Variants in ADAMTS3 observed in about 807,000 individuals in gnomAD.
ADAMTS3 encodes the protein A disintegrin and metalloproteinase with thrombospondin motifs 3.
In ADAMTS3, 73 loss-of-function variants were observed where a neutral mutation model predicts 129.0. The ratio of observed to expected loss-of-function variants is 0.57; its 90% CI spans 0.47 to 0.69. The LOEUF is 0.69. Among genes scored for constraint, ADAMTS3 ranks in the 30% least tolerant of loss-of-function variants. The pLI is 0.00. For missense variants in ADAMTS3, 1,457 were observed against 1,514.5 expected (o/e 0.96, Z 0.63); for synonymous variants, 477 against 510.8 (o/e 0.93, Z 0.89).
At chr4:72,422,386 C>T (rs1007890177) in intron 3 of ADAMTS3, among the ~76,000 whole-genome samples, 1 of 152,094 alleles carries the variant, frequency 6.6e-6, no homozygotes, top group African/African-American at 2.4e-5. Flanking sequence ...TGCAATGATA[C>T]ATGAAATATT....
At chr4:72,401,489 C>CT (rs2109908995) in intron 4 of ADAMTS3, among the ~76,000 whole-genome samples, 1 of 128,736 alleles carries the variant, frequency 7.8e-6, no homozygotes, top group South Asian at 2.6e-4. Context: ...ATCACTTGAA[C>CT]TGGGGGGGTG....
At chr4:72,295,564 G>T in intron 19 of ADAMTS3, 90 bp downstream of exon 19, 3 of 1,383,752 alleles carry the variant, frequency 2.2e-6, no homozygotes, top group South Asian at 2.9e-5. Flanking sequence ...ATAGAGCTTT[G>T]ACTGAAAATA....
chr4:72,283,893 T>C (rs1219375563), intron 21 of ADAMTS3, among the ~76,000 whole-genome samples, 189 bp from the exon 22 acceptor site: 1 of 152,194 alleles, frequency 6.6e-6, no homozygotes, highest in African/African-American at 2.4e-5. Flanking sequence ...AAGTAGTTCT[T>C]TGTCTACAAA....
At chr4:72,367,713 G>A (rs1380404808) in intron 4 of ADAMTS3, among the ~76,000 whole-genome samples, 1 of 152,128 alleles carries the variant, frequency 6.6e-6, no homozygotes, top group Non-Finnish European at 1.5e-5. Flanking sequence ...AGCCGGGCGT[G>A]GCGGCAGGCG....
rs200598857 is a variant in ADAMTS3 at position 72,304,105 on chromosome 4, A to G, written c.2261-25T>C. ...GCTAAAGGGAGAAAAATGAGTAACC[A>G]GCATACATTTTATTTTATCATATTA... On this transcript the variant is annotated intron_variant, in intron 16 of 21. Coordinates refer to ENST00000286657, the MANE Select transcript of ADAMTS3 (RefSeq NM_014243.3). The G allele has an allele frequency of 4.6e-4, 743 of 1,605,530 alleles. 1 individual carries two copies. The highest frequency in any genetic ancestry group is 6.0e-4 in the Non-Finnish European group (706 of 1,174,854).
At chr4:72,540,154 A>G (rs781003470) in intron 3 of ADAMTS3, among the ~76,000 whole-genome samples, 1 of 152,150 alleles carries the variant, frequency 6.6e-6, no homozygotes, top group Non-Finnish European at 1.5e-5. Flanking sequence ...TGATAATGAT[A>G]TGGACAATGA....
intron 19 of ADAMTS3, 126 bp from the exon 20 acceptor site, chr4:72,291,188 A>C (rs1560460265): frequency 2.2e-6 from 2 of 903,808 alleles, no homozygotes; most frequent in East Asian, 2.7e-5. Context: ...ACTGCAGTTC[A>C]GGAAGTGGTT....
At chr4:72,465,760 T>C (rs957029776) in intron 3 of ADAMTS3, among the ~76,000 whole-genome samples, 9 of 151,986 alleles carry the variant, frequency 5.9e-5, no homozygotes, top group African/African-American at 2.2e-4. Flanking sequence ...ATAATCCCCA[T>C]GTGTCAAGGG....
chr4:72,563,208 C>T (rs1447996140), intron 2 of ADAMTS3, among the ~76,000 whole-genome samples: 1 of 152,162 alleles, frequency 6.6e-6, no homozygotes, highest in African/African-American at 2.4e-5. Flanking sequence ...TAGCATGCTG[C>T]ACTTAATAAA....
chr4:72,373,382 C>T (rs548327885), intron 4 of ADAMTS3, among the ~76,000 whole-genome samples: 1 of 152,078 alleles, frequency 6.6e-6, no homozygotes, highest in Admixed American at 6.6e-5. Context: ...ATGGAAACAA[C>T]CCAGTCCATT....
chr4:72,507,490 C>A lies in ADAMTS3; in HGVS notation c.504+40988G>T, dbSNP rs149970860. Among the ~76,000 whole-genome samples the A allele has an allele frequency of 1.3e-3, 203 of 152,302 alleles. 1 individual carries two copies. The highest frequency in any genetic ancestry group is 4.6e-3 in the African/African-American group (193 of 41,576). ...TGTGAGTCCTCTCACTATCCCAGTT[C>A]TTGCTCTTGAAGCTTGGTTGCTTAA... On this transcript the variant is annotated intron_variant, in intron 3 of 21. Transcript: ENST00000286657.
At chr4:72,324,515 A>C (rs1719649869) in intron 5 of ADAMTS3, among the ~76,000 whole-genome samples, 1 of 152,202 alleles carries the variant, frequency 6.6e-6, no homozygotes, top group South Asian at 2.1e-4. Context: ...AAAAGATGTG[A>C]AGTCCTTTTA....
At chr4:72,372,013 T>C (rs1721022173) in intron 4 of ADAMTS3, among the ~76,000 whole-genome samples, 1 of 152,084 alleles carries the variant, frequency 6.6e-6, no homozygotes, top group Admixed American at 6.5e-5. Context: ...TAGCCCACAA[T>C]AGTCATAAAC....
chr4:72,297,172 T>G (rs1407119533), intron 18 of ADAMTS3, among the ~76,000 whole-genome samples: 1 of 152,058 alleles, frequency 6.6e-6, no homozygotes, highest in Non-Finnish European at 1.5e-5. Flanking sequence ...ACATCAATAT[T>G]AGTTGACTAG....
intron 5 of ADAMTS3, among the ~76,000 whole-genome samples, chr4:72,336,990 A>C (rs1379858239): frequency 6.6e-6 from 1 of 152,144 alleles, no homozygotes; most frequent in Non-Finnish European, 1.5e-5. Context: ...CTATACACTT[A>C]AGTATATGCA....
chr4:72,349,773 CA>C (rs1246687785), intron 4 of ADAMTS3, among the ~76,000 whole-genome samples: 2 of 151,816 alleles, frequency 1.3e-5, no homozygotes, highest in Non-Finnish European at 2.9e-5. Flanking sequence ...ATGCTACTTG[CA>C]ATAAAATTTT....
At chr4:72,448,906 C>T (rs1718322656) in intron 3 of ADAMTS3, among the ~76,000 whole-genome samples, 1 of 151,646 alleles carries the variant, frequency 6.6e-6, no homozygotes, top group South Asian at 2.1e-4. Flanking sequence ...CCATTATTTT[C>T]TCATTCCAGT....
Position 72,559,842 on chromosome 4 carries a change from A to G in ADAMTS3, c.97+7532T>C, listed in dbSNP as rs1334519525. 5.9e-5 allele frequency among the ~76,000 whole-genome samples: 9 copies of G among 151,904 alleles called. No individual in the cohort carries two copies. In the East Asian group the frequency reaches 1.2e-3, roughly 20 times the overall value. On this transcript the variant is annotated intron_variant, in intron 2 of 21. Transcript: ENST00000286657. ...TTATTCACAGAATTTTTAAAAAACT[A>G]TTTTAAAATTCATATGGAACCAAAA...
intron 20 of ADAMTS3, among the ~76,000 whole-genome samples, chr4:72,290,000 T>C (rs892871376): frequency 6.6e-6 from 1 of 152,236 alleles, no homozygotes; most frequent in Non-Finnish European, 1.5e-5. Flanking sequence ...TCTTTAGTCT[T>C]CTGTCTGCTT....
Sources: allele counts gnomAD v4.1 joint callset (sites outside exome capture counted in the v4.1 genomes callset), GRCh38; gene constraint gnomAD v4.1.1; transcripts MANE v1.5; gene names NCBI Gene and HGNC (gene_info 2026-07-23, HGNC 2026-07-21).